The following NUP205 variants were observed in gnomAD, a reference collection of about 807,000 sequenced individuals.
NUP205 encodes the protein nucleoporin 205.
Under a neutral mutation model 253.8 loss-of-function variants are expected in NUP205, and 76 were observed. The observed-to-expected ratio is 0.30, with a 90% confidence interval of 0.25 to 0.36. The LOEUF (loss-of-function observed/expected upper bound fraction) is 0.36, where lower values mean the gene tolerates loss of function less well. Ranked by LOEUF, NUP205 falls within the 10% of genes least tolerant of loss-of-function variation. The probability of loss-of-function intolerance (pLI) is 1.00; values close to 1 mark genes in which losing one functional copy is unlikely to be tolerated. For missense variants in NUP205, 2,162 were observed against 2,425.5 expected (o/e 0.89, Z 2.28); for synonymous variants, 832 against 850.1 (o/e 0.98, Z 0.37).
intron 7 of NUP205, among the ~76,000 whole-genome samples, chr7:135,581,758 C>T (rs549262091): frequency 1.3e-5 from 2 of 150,554 alleles, no homozygotes; most frequent in Non-Finnish European, 2.9e-5. Context: ...GAGACTGAGG[C>T]AGGAGAATTG....
intron 31 of NUP205, among the ~76,000 whole-genome samples, chr7:135,624,871 C>G (rs1009798621): frequency 6.6e-6 from 1 of 152,152 alleles, no homozygotes; most frequent in Non-Finnish European, 1.5e-5. Context: ...TTTTCTCTAA[C>G]AAGCAATGTT....
intron 23 of NUP205, among the ~76,000 whole-genome samples, 168 bp downstream of exon 23, chr7:135,614,441 C>T (rs1794309220): frequency 1.3e-5 from 2 of 152,108 alleles, no homozygotes; most frequent in African/African-American, 4.8e-5. Context: ...GATATTTTAA[C>T]TGCTAGCAAA....
At chr7:135,558,359 A>T (rs1320834385) in intron 1 of NUP205, 1 of 273,132 alleles carries the variant, frequency 3.7e-6, no homozygotes, top group East Asian at 7.8e-5. Context: ...TCCAGCCATG[A>T]GCAGAGGCTG....
In NUP205 at chr7:135,576,350, A is replaced by T; in HGVS notation, c.424A>T (p.Ile142Phe). 6.2e-7 allele frequency: 1 copy of T among 1,613,962 alleles called. No homozygotes were observed. Among genetic ancestry groups the T allele is most frequent in the Admixed American group, 1.7e-5 (1 of 60,010 alleles). ...TCTGTACTGGGATGGAAAGCGATGC[A>T]TTGCGAATTCCTTGAAAGCCTTGAT... is the stretch of plus-strand genomic sequence containing the variant. ...VLLYWDGKRC[I>F]ANSLKALIQS... is the part of the protein sequence containing the mutation. Residue 142 changes from isoleucine to phenylalanine, a missense_variant, in exon 4 of 43, where the codon ATT (isoleucine) becomes TTT (phenylalanine). Coordinates refer to ENST00000285968, the MANE Select transcript of NUP205 (RefSeq NM_015135.3).
chr7:135,580,348 C>G (rs1806269848), intron 7 of NUP205, among the ~76,000 whole-genome samples: 1 of 152,160 alleles, frequency 6.6e-6, no homozygotes, highest in Non-Finnish European at 1.5e-5. Flanking sequence ...CTTTTACATT[C>G]CCGTACAAAT....
At chr7:135,604,012 C>G (rs1051905195) in intron 18 of NUP205, among the ~76,000 whole-genome samples, 3 of 152,138 alleles carry the variant, frequency 2.0e-5, no homozygotes, top group African/African-American at 7.2e-5. Context: ...GTGTTTGTGT[C>G]TGAATTTACC....
At chr7:135,570,776 TA>T (rs1238209551) in intron 1 of NUP205, among the ~76,000 whole-genome samples, 2 of 58,924 alleles carry the variant, frequency 3.4e-5, no homozygotes, top group African/African-American at 1.6e-4. Flanking sequence ...TATTAATATA[TA>T]TTAATTATAT....
intron 1 of NUP205, among the ~76,000 whole-genome samples, chr7:135,561,611 G>A (rs1487602261): frequency 6.6e-6 from 1 of 152,150 alleles, no homozygotes; most frequent in Non-Finnish European, 1.5e-5. Context: ...AGAGAAAATA[G>A]GAGCCAACAT....
At chr7:135,579,259 G>A (rs188959496) in intron 7 of NUP205, among the ~76,000 whole-genome samples, 5,148 of 151,058 alleles carry the variant, frequency 0.034, 118 homozygotes, top group Middle Eastern at 0.1. Context: ...CAATGGCACA[G>A]TCTCGGCTCA....
chr7:135,558,507 G>T (rs1180216741), intron 1 of NUP205, among the ~76,000 whole-genome samples: 4 of 152,204 alleles, frequency 2.6e-5, no homozygotes, highest in African/African-American at 9.7e-5. Flanking sequence ...CCCTGCGGAT[G>T]TGGTTAGGCC....
intron 3 of NUP205, among the ~76,000 whole-genome samples, chr7:135,575,381 G>A (rs1806123429): frequency 6.6e-6 from 1 of 152,106 alleles, no homozygotes; most frequent in Admixed American, 6.6e-5. Flanking sequence ...TGTGCAAGAG[G>A]GTGAAGCAAG....
At chr7:135,624,720 G>A (rs531722464) in intron 31 of NUP205, among the ~76,000 whole-genome samples, 2 of 152,068 alleles carry the variant, frequency 1.3e-5, no homozygotes, top group East Asian at 1.9e-4. Context: ...CCTGACAAGT[G>A]CTCCACCTGC....
chr7:135,591,427 C>T (rs752720009), intron 10 of NUP205, 23 bp from the exon 11 acceptor site: 34 of 1,609,024 alleles, frequency 2.1e-5, no homozygotes, highest in Non-Finnish European at 2.7e-5. Context: ...ATTATATAAA[C>T]CATTTGTTTC....
At chr7:135,616,173 C>A in intron 24 of NUP205, 108 bp downstream of exon 24, 1 of 973,986 alleles carries the variant, frequency 1.0e-6, no homozygotes, top group Non-Finnish European at 1.5e-6. Context: ...ACTATCTTCT[C>A]ACTTTTAGAA....
intron 1 of NUP205, among the ~76,000 whole-genome samples, chr7:135,567,124 GTGTGTATATATATATA>G (rs1302707966): frequency 0.027 from 666 of 24,226 alleles, 44 homozygotes; most frequent in East Asian, 0.099. Flanking sequence ...CTCAGTCTAT[GTGTGTATATATATATA>G]TATATATATA....
At chr7:135,578,123 T>G in intron 6 of NUP205, 99 bp downstream of exon 6, 2 of 795,140 alleles carry the variant, frequency 2.5e-6, no homozygotes, top group East Asian at 2.7e-5. Flanking sequence ...TAAAATAGTC[T>G]GCTCTGTTCC....
chr7:135,639,364 T>C (rs995135895), intron 38 of NUP205, among the ~76,000 whole-genome samples: 9 of 152,302 alleles, frequency 5.9e-5, no homozygotes, highest in Non-Finnish European at 1.0e-4. Flanking sequence ...ATGTGTTTAG[T>C]ATAATAATAG....
Position 135,600,935 on chromosome 7 carries a change from T to A in NUP205, c.2340T>A (p.Leu780=), listed in dbSNP as rs1178744848. Residue 780 remains leucine (L), a synonymous_variant, in exon 16 of 43, where the codon CTT becomes CTA. Coordinates refer to ENST00000285968, the MANE Select transcript of NUP205 (RefSeq NM_015135.3). ...YKLLRDYEPQ[L]EDFVDQFVEL... is the part of the protein sequence containing the mutation. ...TGCTCAGAGATTATGAGCCTCAGCT[T>A]GAAGATTTTGTAGACCAGTTTGTGG... is the stretch of plus-strand genomic sequence containing the variant. 1.9e-6 allele frequency: 3 copies of A among 1,611,066 alleles called. No individual in the cohort carries two copies. Among genetic ancestry groups the A allele is most frequent in the Non-Finnish European group, 2.5e-6 (3 of 1,177,832 alleles).
At chr7:135,560,847 A>AG (rs1805562689) in intron 1 of NUP205, among the ~76,000 whole-genome samples, 1 of 152,180 alleles carries the variant, frequency 6.6e-6, no homozygotes, top group South Asian at 2.1e-4. Context: ...GGAGTTGTTT[A>AG]GGGGGCATAG....
Sources: allele counts gnomAD v4.1 joint callset (sites outside exome capture counted in the v4.1 genomes callset), GRCh38; gene constraint gnomAD v4.1.1; transcripts MANE v1.5; gene names NCBI Gene and HGNC (gene_info 2026-07-23, HGNC 2026-07-21).